Variants in PCDHAC2 observed in about 807,000 individuals in gnomAD.
PCDHAC2 encodes the protein protocadherin alpha-C2.
A neutral mutation model predicts 63.3 loss-of-function variants in PCDHAC2; 24 were observed. The ratio of observed to expected loss-of-function variants is 0.38; its 90% CI spans 0.27 to 0.53. The LOEUF (loss-of-function observed/expected upper bound fraction) is 0.53. Ranked by LOEUF, PCDHAC2 falls within the 20% of genes least tolerant of loss-of-function variation. The probability of loss-of-function intolerance (pLI) is 0.81; values close to 1 mark genes in which losing one functional copy is unlikely to be tolerated. For synonymous variants in PCDHAC2, 569 were observed against 529.4 expected, an observed-to-expected ratio of 1.07 and a Z score of -1.03; for missense variants, 1,181 against 1,275.2, an observed-to-expected ratio of 0.93 and a Z score of 1.12.
chr5:140,966,709 G>A lies in PCDHAC2; in HGVS notation c.-58G>A, dbSNP rs1447935100. 2.9e-6 allele frequency: 4 copies of A among 1,387,174 alleles called. No homozygotes were observed. The highest frequency in any genetic ancestry group is 2.8e-6 in the Non-Finnish European group (3 of 1,077,338). The allele number at this position is 1,387,174 out of a possible 1,614,324, so 85.9% of individuals were successfully genotyped here. On this transcript the variant is annotated 5_prime_UTR_variant, in exon 1 of 4. Coordinates refer to ENST00000289269, the MANE Select transcript of PCDHAC2 (RefSeq NM_018899.6). ...GAGGCGGGGCCCGGGCGTGGGGCAC[G>A]GCTGGGGAAGCTGCCGCCTCCGGCC...
Position 141,011,530 on chromosome 5 carries a change from T to A in PCDHAC2, c.*1593T>A, listed in dbSNP as rs1427621980. 1 of 153,810 alleles carries A rather than the reference T, an allele frequency of 6.5e-6. No individual in the cohort carries two copies. The highest frequency in any genetic ancestry group is 1.5e-5 in the Non-Finnish European group (1 of 68,042). The allele number at this position is 153,810 out of a possible 1,614,324, so 9.5% of individuals were successfully genotyped here. A position where few individuals can be genotyped will look rare whatever the true frequency, so the allele number is the denominator to read the frequency against. On this transcript the variant is annotated 3_prime_UTR_variant, in exon 4 of 4. Coordinates refer to ENST00000289269, the MANE Select transcript of PCDHAC2 (RefSeq NM_018899.6). ...TGGAGTAGTGTTTTTTTAACCATTG[T>A]TAATCAGCTTTTGTGTATGAAAGAC...
chr5:140,968,715 A>G lies in PCDHAC2; in HGVS notation c.1949A>G (p.Asp650Gly). Residue 650 changes from aspartate (D) to glycine (G), a missense_variant, in exon 1 of 4, where the codon GAT (aspartate) becomes GGT (glycine). Coordinates refer to ENST00000289269, the MANE Select transcript of PCDHAC2 (RefSeq NM_018899.6). Reference sequence around the variant, plus strand: ...ATTAGGACTACCAGGAAGATGGGAGATGAGAGTGGTAGCACTTTCAACCTG... The same window carrying G: ...ATTAGGACTACCAGGAAGATGGGAGGTGAGAGTGGTAGCACTTTCAACCTG... Reference protein sequence around the residue: ...GEIRTTRKMGDESGSTFNLTV... With the variant: ...GEIRTTRKMGGESGSTFNLTV... The G allele has an allele frequency of 6.2e-7, 1 of 1,614,132 alleles. No homozygotes were observed. The highest frequency in any genetic ancestry group is 8.5e-7 in the Non-Finnish European group (1 of 1,180,028).
intron 3 of PCDHAC2, among the ~76,000 whole-genome samples, chr5:140,995,181 T>G (rs1443897354): frequency 6.6e-6 from 1 of 152,186 alleles, no homozygotes; most frequent in Non-Finnish European, 1.5e-5. Context: ...GGTGCACCTA[T>G]GATAAAGTTT....
In PCDHAC2 at chr5:140,967,185, A is replaced by G; in HGVS notation, c.419A>G (p.Asp140Gly). The G allele has an allele frequency of 6.2e-7, 1 of 1,613,242 alleles. No homozygotes were observed. Among genetic ancestry groups the G allele is most frequent in the Non-Finnish European group, 8.5e-7 (1 of 1,179,548 alleles). The change falls in exon 1 of 4, where the codon GAC becomes GGC. Residue 140 changes from aspartate to glycine, a missense_variant. This residue lies in a region of PCDHAC2 where 3 missense variants were observed against 16.8 expected (regional missense o/e 0.18). Coordinates refer to ENST00000289269, the MANE Select transcript of PCDHAC2 (RefSeq NM_018899.6). ...AGCGCCGTTGAGGTGGAAATATTGG[A>G]CATCAACGACAACTCACCGCGTTTC... ...AVSAVEVEILDINDNSPRFPR... is the reference protein window; with the variant it reads ...AVSAVEVEILGINDNSPRFPR...
chr5:141,010,232 A>C lies in PCDHAC2; in HGVS notation c.*295A>C. The C allele has an allele frequency of 1.3e-6, 2 of 1,551,952 alleles. No individual in the cohort carries two copies. The highest frequency in any genetic ancestry group is 1.7e-6 in the Non-Finnish European group (2 of 1,147,050). The stretch of plus-strand genomic sequence containing the variant: ...AAAGGAGAGGCTTCCCAGCCCCGCC[A>C]GTGAGAGGTTGGACTCTCTGCCCTG... On this transcript the variant is annotated 3_prime_UTR_variant, in exon 4 of 4. Coordinates refer to ENST00000289269, the MANE Select transcript of PCDHAC2 (RefSeq NM_018899.6).
chr5:141,004,806 T>C (rs1326385428), intron 3 of PCDHAC2, among the ~76,000 whole-genome samples: 1 of 152,196 alleles, frequency 6.6e-6, no homozygotes, highest in Non-Finnish European at 1.5e-5. Flanking sequence ...CTGAGCTCAA[T>C]TGCAGATTTG....
intron 3 of PCDHAC2, among the ~76,000 whole-genome samples, chr5:141,008,498 T>G (rs2098379874): frequency 6.6e-6 from 1 of 152,158 alleles, no homozygotes. Context: ...CTGGTATACT[T>G]TATGGTGTGT....
rs1412430465 is a variant in PCDHAC2 at position 141,010,516 on chromosome 5, A to C, written c.*579A>C. On this transcript the variant is annotated 3_prime_UTR_variant, in exon 4 of 4. Transcript: ENST00000289269. ...CCAGACTTTCTAAATCTTACAACTC[A>C]AGAGGTGGCAGCCACCCTCTAGGAG... 4.2e-6 allele frequency: 2 copies of C among 477,698 alleles called. No individual in the cohort carries two copies. The highest frequency in any genetic ancestry group is 7.8e-5 in the Admixed American group (2 of 25,754). The allele number at this position is 477,698 out of a possible 1,614,324, so 29.6% of individuals were successfully genotyped here.
chr5:140,969,363 C>T, intron 1 of PCDHAC2, 32 bp downstream of exon 1: 2 of 1,610,732 alleles, frequency 1.2e-6, no homozygotes, highest in Non-Finnish European at 8.5e-7. Context: ...CTTCTACAAA[C>T]TCATGCATTT....
intron 3 of PCDHAC2, among the ~76,000 whole-genome samples, chr5:140,983,005 A>G (rs1468544114): frequency 2.0e-5 from 3 of 152,110 alleles, no homozygotes; most frequent in African/African-American, 4.8e-5. Flanking sequence ...AAAGAAAGAA[A>G]AAGGAAGGAA....
At chr5:141,007,712 A>G (rs2098342161) in intron 3 of PCDHAC2, among the ~76,000 whole-genome samples, 1 of 152,170 alleles carries the variant, frequency 6.6e-6, no homozygotes, top group Non-Finnish European at 1.5e-5. Context: ...GCCTCCCACC[A>G]CCAGGGAGAA....
At chr5:141,004,573 G>A (rs2098171340) in intron 3 of PCDHAC2, among the ~76,000 whole-genome samples, 1 of 152,220 alleles carries the variant, frequency 6.6e-6, no homozygotes, top group South Asian at 2.1e-4. Context: ...ATATCTCTGT[G>A]TTCTGCATCT....
At chr5:140,985,148 A>G (rs2097138818) in intron 3 of PCDHAC2, among the ~76,000 whole-genome samples, 1 of 152,192 alleles carries the variant, frequency 6.6e-6, no homozygotes, top group South Asian at 2.1e-4. Context: ...CGTGTTAGCC[A>G]GGATTGTCTC....
At chr5:140,986,437 G>A (rs1554248053) in intron 3 of PCDHAC2, among the ~76,000 whole-genome samples, 2 of 152,182 alleles carry the variant, frequency 1.3e-5, no homozygotes, top group Admixed American at 6.5e-5. Flanking sequence ...GAGTACTAAT[G>A]CCCTGAAGAG....
chr5:140,985,572 C>G (rs2097158307), intron 3 of PCDHAC2, among the ~76,000 whole-genome samples: 1 of 152,142 alleles, frequency 6.6e-6, no homozygotes, highest in Non-Finnish European at 1.5e-5. Context: ...CTTTCTGGTG[C>G]CTAAGCCTCC....
Position 140,993,509 on chromosome 5 carries a change from CGGGGAGAGAG to C in PCDHAC2, c.2713+10947_2713+10956del, listed in dbSNP as rs2097568307. Among the ~76,000 whole-genome samples, 3 of 143,488 alleles carry C rather than the reference CGGGGAGAGAG, an allele frequency of 2.1e-5. No homozygotes were observed. In the Admixed American group the frequency reaches 2.1e-4, roughly 10 times the overall value. 94.1% of individuals were successfully genotyped at this position (143,488 alleles called of 152,430 possible). A position where few individuals can be genotyped will look rare whatever the true frequency, so the allele number is the denominator to read the frequency against. On this transcript the variant is annotated intron_variant, in intron 3 of 3. Coordinates refer to ENST00000289269, the MANE Select transcript of PCDHAC2 (RefSeq NM_018899.6). Reference sequence around the variant, plus strand: ...ACACACACACACACACACACACACACGGGGAGAGAGAGACAGAGAGAGAGAGAGATAGAGA... The same window carrying C: ...ACACACACACACACACACACACACACAGACAGAGAGAGAGAGAGATAGAGA...
Position 140,968,160 on chromosome 5 carries a change from A to G in PCDHAC2, c.1394A>G (p.Asn465Ser). The change falls in exon 1 of 4, where the codon AAT (asparagine) becomes AGT (serine). Residue 465 changes from asparagine (N) to serine (S), a missense_variant. By Grantham distance (46) the Asn-to-Ser change is conservative (BLOSUM62 1). Around this residue, in one of 3 missense-constraint regions of PCDHAC2, gnomAD observed 968 missense variants for 1,073.5 expected, o/e 0.90. Coordinates refer to ENST00000289269, the MANE Select transcript of PCDHAC2 (RefSeq NM_018899.6). ...GTTGAGATCTCTGACATCAATGACA[A>G]TCCACCAAGCTTCCTGGAGGACTCC... is the stretch of plus-strand genomic sequence containing the variant. ...LKVEISDINDNPPSFLEDSYS... is the reference protein window; with the variant it reads ...LKVEISDINDSPPSFLEDSYS... 7.4e-6 allele frequency: 12 copies of G among 1,614,104 alleles called. No individual in the cohort carries two copies. Among genetic ancestry groups the G allele is most frequent in the Non-Finnish European group, 1.0e-5 (12 of 1,180,042 alleles).
intron 2 of PCDHAC2, among the ~76,000 whole-genome samples, chr5:140,980,478 A>G (rs1186753725): frequency 2.6e-5 from 4 of 152,172 alleles, no homozygotes; most frequent in African/African-American, 4.8e-5. Context: ...AAAAATACAA[A>G]AATTAGCTGG....
intron 1 of PCDHAC2, among the ~76,000 whole-genome samples, chr5:140,972,293 C>T (rs912767406): frequency 2.0e-5 from 3 of 151,768 alleles, no homozygotes; most frequent in Non-Finnish European, 4.4e-5. Flanking sequence ...ATGTGCGCCA[C>T]CGTGTCTGAC....
Sources: allele counts gnomAD v4.1 joint callset (sites outside exome capture counted in the v4.1 genomes callset), GRCh38; gene constraint gnomAD v4.1.1; regional missense constraint gnomAD v4.1.1; transcripts MANE v1.5; gene names NCBI Gene and HGNC (gene_info 2026-07-23, HGNC 2026-07-21).